CFTR: variants seen among roughly 807,000 people sequenced by gnomAD.
CFTR encodes the protein CF transmembrane conductance regulator.
Under a neutral mutation model 171.6 loss-of-function variants are expected in CFTR, and 181 were observed. That is an observed-to-expected ratio of 1.05 (90% CI 0.93 to 1.19). The LOEUF (loss-of-function observed/expected upper bound fraction) is 1.19, where lower values mean the gene tolerates loss of function less well. Among genes scored for constraint, CFTR ranks in the 50% most tolerant of loss-of-function variants. CFTR has a pLI of 0.00. For missense variants in CFTR, 1,968 were observed against 1,734.7 expected, an observed-to-expected ratio of 1.13 and a Z score of -2.39; for synonymous variants, 583 against 608.0, an observed-to-expected ratio of 0.96 and a Z score of 0.60.
At chr7:117,612,039 A>ATATATATATG (rs1792410147) in intron 20 of CFTR, among the ~76,000 whole-genome samples, 2 of 73,670 alleles carry the variant, frequency 2.7e-5, no homozygotes, top group African/African-American at 5.9e-5. Flanking sequence ...ATATATATAT[A>ATATATATATG]TATATATATA....
chr7:117,622,312 T>C (rs1007668959), intron 21 of CFTR, among the ~76,000 whole-genome samples: 2 of 152,164 alleles, frequency 1.3e-5, no homozygotes, highest in African/African-American at 2.4e-5. Context: ...CTTGCTATTA[T>C]CTCTTAAGTT....
chr7:117,594,799 A>T, intron 14 of CFTR, 131 bp from the exon 15 acceptor site: 2 of 811,330 alleles, frequency 2.5e-6, no homozygotes, highest in East Asian at 2.8e-5. Flanking sequence ...ATTTATAATG[A>T]TTTATATTTG....
rs121908802 is a variant in CFTR at position 117,535,263 on chromosome 7, C to T, written c.595C>T (p.His199Tyr). 1.2e-6 allele frequency: 2 copies of T among 1,613,962 alleles called. No individual in the cohort carries two copies. Among genetic ancestry groups the T allele is most frequent in the Admixed American group, 1.7e-5 (1 of 59,982 alleles). ...TATTTTCCAGGGACTTGCATTGGCA[C>T]ATTTCGTGTGGATCGCTCCTTTGCA... ...NKFDEGLALAHFVWIAPLQVA... is the reference protein window; with the variant it reads ...NKFDEGLALAYFVWIAPLQVA... The change falls in exon 6 of 27, where the codon CAT (histidine) becomes TAT (tyrosine). Residue 199 changes from histidine to tyrosine, a missense_variant. By Grantham distance (83) the His-to-Tyr change is moderately conservative. Transcript: ENST00000003084.
At chr7:117,614,810 A>G in intron 21 of CFTR, 97 bp downstream of exon 21, 2 of 777,190 alleles carry the variant, frequency 2.6e-6, no homozygotes. Context: ...CCGTATATTG[A>G]GCTTAAGAAA....
intron 18 of CFTR, among the ~76,000 whole-genome samples, chr7:117,607,416 G>A (rs1464346441): frequency 6.6e-6 from 1 of 152,140 alleles, no homozygotes; most frequent in Non-Finnish European, 1.5e-5. Flanking sequence ...AGTGGAGGAG[G>A]TGAAAGTGAC....
chr7:117,594,652 T>C (rs1044672975), intron 14 of CFTR, among the ~76,000 whole-genome samples: 15 of 152,172 alleles, frequency 9.9e-5, no homozygotes, highest in African/African-American at 3.6e-4. Flanking sequence ...AATGGTAAAA[T>C]TGTCCAATAA....
At chr7:117,605,785 A>C (rs1205419033) in intron 17 of CFTR, among the ~76,000 whole-genome samples, 2 of 152,210 alleles carry the variant, frequency 1.3e-5, no homozygotes, top group Non-Finnish European at 2.9e-5. Context: ...AGGATATTTG[A>C]GCAGAGGAAG....
At chr7:117,526,251 C>A (rs1367111013) in intron 3 of CFTR, among the ~76,000 whole-genome samples, 4 of 149,498 alleles carry the variant, frequency 2.7e-5, no homozygotes, top group Admixed American at 6.7e-5. Flanking sequence ...ACAACCTGCT[C>A]CTGAATGACT....
chr7:117,540,937 TCA>T lies in CFTR; in HGVS notation c.1116+606_1116+607del, dbSNP rs557932384. 3.3e-5 allele frequency among the ~76,000 whole-genome samples: 5 copies of T among 151,638 alleles called. No homozygotes were observed. The South Asian group carries it at 6.3e-4, about 19-fold the overall frequency. ...CAGCAATTAAAAATTGGGAGATGTC[TCA>T]CACACACACACACATAAACACACAC... On this transcript the variant is annotated intron_variant, in intron 8 of 26. Transcript: ENST00000003084.
intron 23 of CFTR, among the ~76,000 whole-genome samples, chr7:117,650,429 A>G (rs1232397067): frequency 6.6e-6 from 1 of 152,122 alleles, no homozygotes. Flanking sequence ...GCATTTCCCC[A>G]TTTCATAAAA....
In CFTR at chr7:117,540,084, T is replaced by C. The variant is rs1293885687; in HGVS notation, c.870-16T>C. On this transcript the variant is annotated splice_polypyrimidine_tract_variant and intron_variant, in intron 7 of 26. Transcript: ENST00000003084. ...TAAAATAACATCCTGAATTTTATTG[T>C]TATTGTTTTTTATAGAACAGAACTG... The C allele has an allele frequency of 6.2e-7, 1 of 1,603,912 alleles. No individual in the cohort carries two copies. Among genetic ancestry groups the C allele is most frequent in the South Asian group, 1.1e-5 (1 of 90,788 alleles).
At chr7:117,591,367 T>C (rs1327610195) in intron 13 of CFTR, among the ~76,000 whole-genome samples, 3 of 152,090 alleles carry the variant, frequency 2.0e-5, no homozygotes, top group Non-Finnish European at 2.9e-5. Context: ...GATTTACTTC[T>C]AGAATAGATT....
Position 117,508,342 on chromosome 7 carries a change from A to G in CFTR, c.165-692A>G, listed in dbSNP as rs114573975. Among the ~76,000 whole-genome samples the G allele has an allele frequency of 7.4e-3, 1,120 of 152,334 alleles. 16 individuals carry two copies. Among genetic ancestry groups the G allele is most frequent in the African/African-American group, 0.026 (1,075 of 41,588 alleles). ...AAATACAATCAGCTGGTGTTCCTAT[A>G]GTATTTAAAAGAAAACAGAAAGTTT... On this transcript the variant is annotated intron_variant, in intron 2 of 26. Coordinates refer to ENST00000003084, the MANE Select transcript of CFTR (RefSeq NM_000492.4).
At chr7:117,555,413 C>T (rs2115923991) in intron 10 of CFTR, among the ~76,000 whole-genome samples, 1 of 152,258 alleles carries the variant, frequency 6.6e-6, no homozygotes, top group South Asian at 2.1e-4. Context: ...GTTGCTATTA[C>T]GGTAAGCTCA....
chr7:117,522,927 G>T (rs544427890), intron 3 of CFTR, among the ~76,000 whole-genome samples: 1 of 152,162 alleles, frequency 6.6e-6, no homozygotes, highest in African/African-American at 2.4e-5. Context: ...ACTATAGAAG[G>T]GGTGGGGTTT....
At chr7:117,653,108 T>C (rs1421641799) in intron 24 of CFTR, among the ~76,000 whole-genome samples, 177 bp downstream of exon 24, 2 of 152,166 alleles carry the variant, frequency 1.3e-5, no homozygotes, top group African/African-American at 4.8e-5. Flanking sequence ...TACCCCTAAC[T>C]GAAATGATTT....
intron 21 of CFTR, among the ~76,000 whole-genome samples, chr7:117,620,963 C>T (rs747289029): frequency 4.6e-5 from 7 of 152,064 alleles, no homozygotes; most frequent in Non-Finnish European, 7.4e-5. Context: ...AAAAATTAGC[C>T]AGGCATGATG....
In CFTR at chr7:117,668,207, G is replaced by A. The variant is rs1562929899; in HGVS notation, c.*1099G>A. ...TTATATGCTTCTGTTTTATAATTTTGTGAAGCAAAATTTTTTCTCTAGGAA... is the reference window on the plus strand; with the variant it reads ...TTATATGCTTCTGTTTTATAATTTTATGAAGCAAAATTTTTTCTCTAGGAA... On this transcript the variant is annotated 3_prime_UTR_variant, in exon 27 of 27. Transcript: ENST00000003084. 6.6e-6 allele frequency: 1 copy of A among 152,056 alleles called. No homozygotes were observed. The highest frequency in any genetic ancestry group is 1.5e-5 in the Non-Finnish European group (1 of 68,022). 9.4% of individuals were successfully genotyped at this position (152,056 alleles called of 1,614,324 possible).
chr7:117,539,017 AG>A (rs974431990), intron 7 of CFTR, among the ~76,000 whole-genome samples: 4 of 152,198 alleles, frequency 2.6e-5, no homozygotes, highest in African/African-American at 9.6e-5. Context: ...ACAAGGAAGA[AG>A]AACTAATGCC....
Sources: allele counts gnomAD v4.1 joint callset (sites outside exome capture counted in the v4.1 genomes callset), GRCh38; gene constraint gnomAD v4.1.1; transcripts MANE v1.5; gene names NCBI Gene and HGNC (gene_info 2026-07-23, HGNC 2026-07-21).